The following GRK2 variants were observed in gnomAD, a reference collection of about 807,000 sequenced individuals.
GRK2 encodes the protein G protein-coupled receptor kinase 2, also known as adrenergic beta receptor kinase 1.
GRK2 carries 23 observed loss-of-function variants against 97.8 expected under a neutral mutation model. That is an observed-to-expected ratio of 0.24 (90% CI 0.17 to 0.33). The LOEUF (loss-of-function observed/expected upper bound fraction) is 0.33. Ranked by LOEUF, GRK2 falls within the 10% of genes least tolerant of loss-of-function variation. GRK2 has a pLI of 1.00. For missense variants in GRK2, 633 were observed against 956.9 expected (o/e 0.66, Z 4.47); for synonymous variants, 425 against 381.7 (o/e 1.11, Z -1.32).
chr11:67,267,933 T>A (rs1431639997), intron 1 of GRK2, among the ~76,000 whole-genome samples: 1 of 152,240 alleles, frequency 6.6e-6, no homozygotes, highest in Admixed American at 6.5e-5. Flanking sequence ...GGTTCTACAT[T>A]TCATCAGCTA....
intron 2 of GRK2, among the ~76,000 whole-genome samples, chr11:67,278,643 A>T (rs1047151573): frequency 6.6e-6 from 1 of 152,172 alleles, no homozygotes; most frequent in African/African-American, 2.4e-5. Context: ...CCTGTTTCTC[A>T]GGCTGCTGTG....
At chr11:67,278,044 T>A (rs1860071949) in intron 2 of GRK2, among the ~76,000 whole-genome samples, 1 of 152,168 alleles carries the variant, frequency 6.6e-6, no homozygotes, top group Admixed American at 6.5e-5. Context: ...GCCTGTGCCT[T>A]TTGTCCTTGG....
chr11:67,267,280 G>A (rs1361465430), intron 1 of GRK2, among the ~76,000 whole-genome samples: 2 of 152,190 alleles, frequency 1.3e-5, no homozygotes, highest in African/African-American at 4.8e-5. Context: ...TGCTGTCCCT[G>A]CTCACGGCAC....
rs1170021755 is a variant in GRK2, at chr11:67,281,429, G to C, written c.648-30G>C. 2.5e-6 allele frequency: 4 copies of C among 1,596,746 alleles called. No homozygotes were observed. The South Asian group carries it at 4.4e-5, about 18-fold the overall frequency. ...AGCCCTGGGCCCCTGCTCTGAGGGTGGGTGTTGACTGCCGACCTCTGCCCC... is the reference window on the plus strand; with the variant it reads ...AGCCCTGGGCCCCTGCTCTGAGGGTCGGTGTTGACTGCCGACCTCTGCCCC... On this transcript the variant is annotated intron_variant, in intron 8 of 20. Transcript: ENST00000308595. The surrounding 1 kb of genome is among the most constrained non-coding windows in gnomAD (Gnocchi z 5.7).
intron 1 of GRK2, 107 bp from the exon 2 acceptor site, chr11:67,277,165 C>T (rs1860048558): frequency 1.9e-6 from 2 of 1,067,434 alleles, no homozygotes; most frequent in Non-Finnish European, 1.4e-6. Context: ...GGCCTCCTTC[C>T]TGGAGGGAGT....
chr11:67,279,806 G>A, intron 5 of GRK2, 33 bp from the exon 6 acceptor site: 1 of 1,613,680 alleles, frequency 6.2e-7, no homozygotes, highest in Non-Finnish European at 8.5e-7. Flanking sequence ...GTCTCTCGGG[G>A]CTCAGTCACC....
In GRK2 at chr11:67,286,286, G is replaced by GC. The variant is rs371633319; in HGVS notation, c.*842dup. On this transcript the variant is annotated 3_prime_UTR_variant, in exon 21 of 21. Transcript: ENST00000308595. The stretch of plus-strand genomic sequence containing the variant: ...GAGGCTGGCTGGGGCCTATCAGTGT[G>GC]CCCCCCATCCTGGCCCATCAGTGTA... The GC allele has an allele frequency of 2.8e-3, 1,796 of 635,806 alleles. 20 individuals carry two copies. Among genetic ancestry groups the GC allele is most frequent in the African/African-American group, 0.023 (1,254 of 53,688 alleles). 39.4% of individuals were successfully genotyped at this position (635,806 alleles called of 1,614,324 possible). A position where few individuals can be genotyped will look rare whatever the true frequency, so the allele number is the denominator to read the frequency against.
In GRK2 at chr11:67,286,513, A is replaced by G; in HGVS notation, c.*1063A>G. ...CCGATTTTTGAATGTGATTTTAAAG[A>G]GTGAAAAATGAGACTATGCGTTTTT... On this transcript the variant is annotated 3_prime_UTR_variant, in exon 21 of 21. Transcript: ENST00000308595. 1.4e-6 allele frequency: 1 copy of G among 701,516 alleles called. No homozygotes were observed. The highest frequency in any genetic ancestry group is 2.3e-4 in the Middle Eastern group (1 of 4,352). 43.5% of individuals were successfully genotyped at this position (701,516 alleles called of 1,614,324 possible). A position where few individuals can be genotyped will look rare whatever the true frequency, so the allele number is the denominator to read the frequency against.
intron 2 of GRK2, among the ~76,000 whole-genome samples, chr11:67,278,326 A>C (rs2136498243): frequency 6.6e-6 from 1 of 152,300 alleles, no homozygotes; most frequent in South Asian, 2.1e-4. Flanking sequence ...TGGAGGCCTG[A>C]GGAGGGCCTC....
chr11:67,279,343 C>T, intron 3 of GRK2, 70 bp downstream of exon 3: 1 of 1,608,194 alleles, frequency 6.2e-7, no homozygotes, highest in South Asian at 1.1e-5. Flanking sequence ...CTTTGTGGAA[C>T]CCACAAGCTG....
At chr11:67,283,489 C>T (rs1287126645) in intron 15 of GRK2, 1 of 611,966 alleles carries the variant, frequency 1.6e-6, no homozygotes, top group African/African-American at 1.8e-5. Flanking sequence ...GTTTATCAAA[C>T]ATTTATTAAG....
chr11:67,284,812 G>T (rs527924338), intron 18 of GRK2, 35 bp from the exon 19 acceptor site: 1 of 1,603,826 alleles, frequency 6.2e-7, no homozygotes, highest in East Asian at 2.2e-5. Flanking sequence ...AAACCCAGGT[G>T]GGGCCGGCTG....
chr11:67,280,005 C>G (rs778311170), intron 6 of GRK2, 105 bp downstream of exon 6: 14 of 1,212,598 alleles, frequency 1.2e-5, no homozygotes, highest in Non-Finnish European at 1.7e-5. Context: ...AGGCCCTGAG[C>G]AGGCAGGTGG....
Position 67,283,894 on chromosome 11 carries a change from C to A in GRK2, c.1436C>A (p.Ala479Glu). Residue 479 changes from alanine (A) to glutamate (E), a missense_variant, in exon 17 of 21, where the codon GCG becomes GAG. Physicochemically the swap from Ala to Glu is moderately radical, Grantham distance 107. Transcript: ENST00000308595. ...ATCCCCCCACGAGGGGAGGTGAACG[C>A]GGCCGACGCCTTCGACATTGGCTCC... ...PLIPPRGEVN[A>E]ADAFDIGSFD... is the part of the protein sequence containing the mutation. The A allele has an allele frequency of 6.2e-7, 1 of 1,613,028 alleles. No individual in the cohort carries two copies. Among genetic ancestry groups the A allele is most frequent in the Non-Finnish European group, 8.5e-7 (1 of 1,179,796 alleles).
intron 1 of GRK2, among the ~76,000 whole-genome samples, chr11:67,271,676 G>A (rs763542403): frequency 6.6e-5 from 10 of 152,238 alleles, no homozygotes; most frequent in Non-Finnish European, 1.0e-4. Flanking sequence ...TGGCCGACAC[G>A]ACGTTCCGGA....
chr11:67,281,626 C>T lies in GRK2; in HGVS notation c.748-24C>T. 6.3e-7 allele frequency: 1 copy of T among 1,575,452 alleles called. No individual in the cohort carries two copies. Among genetic ancestry groups the T allele is most frequent in the Non-Finnish European group, 8.7e-7 (1 of 1,145,666 alleles). On this transcript the variant is annotated intron_variant, in intron 9 of 20. Transcript: ENST00000308595. The surrounding 1 kb of genome is among the most constrained non-coding windows in gnomAD (Gnocchi z 5.7). ...CGGGCGCCCCTGCTAACTGCCCGCC[C>T]CCTCCCCTCCTCTCCCCTCCTAGGA... is the stretch of plus-strand genomic sequence containing the variant.
chr11:67,272,438 T>C (rs141703108), intron 1 of GRK2, among the ~76,000 whole-genome samples: 29 of 152,138 alleles, frequency 1.9e-4, no homozygotes, highest in Admixed American at 1.0e-3. Context: ...TCCACACAGC[T>C]ACAGCCTCTG....
chr11:67,274,307 C>T lies in GRK2; in HGVS notation c.114-2965C>T, dbSNP rs1018654943. Among the ~76,000 whole-genome samples the T allele has an allele frequency of 5.9e-5, 9 of 151,770 alleles. No homozygotes were observed. In the South Asian group the frequency reaches 1.5e-3, roughly 25 times the overall value. ...ATTACAGGCGTGAGCCACCGCGTCC[C>T]GCCAAGCTGGCACCATTTTTGCAGG... On this transcript the variant is annotated intron_variant, in intron 1 of 20. Coordinates refer to ENST00000308595, the MANE Select transcript of GRK2 (RefSeq NM_001619.5).
At chr11:67,268,949 G>A (rs1241479513) in intron 1 of GRK2, among the ~76,000 whole-genome samples, 2 of 152,232 alleles carry the variant, frequency 1.3e-5, no homozygotes, top group African/African-American at 2.4e-5. Flanking sequence ...GCAGGAGGCC[G>A]AGCCAGGCAG....
Sources: gnomAD v4.1 joint callset for allele counts (sites outside exome capture counted in the v4.1 genomes callset) on GRCh38, gnomAD v4.1.1 for gene constraint, Gnocchi (gnomAD v3.1) non-coding constraint, MANE v1.5 for transcripts, NCBI Gene and HGNC (gene_info 2026-07-23, HGNC 2026-07-21) for gene names.